Variants in UTRN observed in about 807,000 individuals in gnomAD.
UTRN encodes utrophin.
UTRN carries 283 observed loss-of-function variants against 463.9 expected under a neutral mutation model. The observed-to-expected ratio is 0.61, with a 90% confidence interval of 0.55 to 0.67. UTRN has a LOEUF of 0.67. Among genes scored for constraint, UTRN ranks in the 30% least tolerant of loss-of-function variants. The pLI, the probability that UTRN is intolerant of heterozygous loss-of-function variation, is 0.00. For synonymous variants in UTRN, 1,442 were observed against 1,431.5 expected (o/e 1.01, Z -0.17); for missense variants, 3,922 against 4,084.3 (o/e 0.96, Z 1.08).
intron 61 of UTRN, among the ~76,000 whole-genome samples, chr6:144,784,757 TC>T (rs2128740210): frequency 6.6e-6 from 1 of 152,348 alleles, no homozygotes; most frequent in South Asian, 2.1e-4. Flanking sequence ...CTTGCCTCCA[TC>T]AAATGGGAAT....
chr6:144,776,754 T>C (rs1329679904), intron 60 of UTRN, among the ~76,000 whole-genome samples: 3 of 152,218 alleles, frequency 2.0e-5, no homozygotes, highest in African/African-American at 7.2e-5. Flanking sequence ...TCTTAGCTCT[T>C]TGTATAGGTT....
intron 53 of UTRN, 116 bp downstream of exon 53, chr6:144,700,359 C>T (rs556915165): frequency 4.2e-6 from 5 of 1,187,486 alleles, no homozygotes; most frequent in Admixed American, 2.7e-5. Flanking sequence ...TTCCCCCCCC[C>T]ACCACCGTCT....
chr6:144,775,809 G>A (rs1482855611), intron 60 of UTRN, among the ~76,000 whole-genome samples: 2 of 152,092 alleles, frequency 1.3e-5, no homozygotes, highest in Non-Finnish European at 2.9e-5. Context: ...GGGTGGATAA[G>A]CATATTAACA....
chr6:144,583,386 G>T, intron 51 of UTRN: 1 of 542,042 alleles, frequency 1.8e-6, no homozygotes, highest in Non-Finnish European at 3.4e-6. Flanking sequence ...TCCTGGAAAC[G>T]AGCATGCTCA....
At chr6:144,315,195 A>T (rs1209986210) in intron 2 of UTRN, among the ~76,000 whole-genome samples, 1 of 152,196 alleles carries the variant, frequency 6.6e-6, no homozygotes, top group East Asian at 1.9e-4. Flanking sequence ...ACTGCAGTAA[A>T]AGTGCCATAG....
At chr6:144,792,088 A>G (rs2128743377) in intron 62 of UTRN, among the ~76,000 whole-genome samples, 1 of 152,350 alleles carries the variant, frequency 6.6e-6, no homozygotes, top group South Asian at 2.1e-4. Context: ...AAGTGAAAAA[A>G]TTATAATAAA....
intron 42 of UTRN, among the ~76,000 whole-genome samples, chr6:144,531,582 T>G (rs1366461046): frequency 1.3e-5 from 2 of 152,194 alleles, no homozygotes; most frequent in Non-Finnish European, 2.9e-5. Context: ...CATTTTTCTT[T>G]GTATCATTGA....
intron 51 of UTRN, among the ~76,000 whole-genome samples, chr6:144,619,238 T>C (rs1327906373): frequency 1.3e-5 from 2 of 152,236 alleles, no homozygotes; most frequent in African/African-American, 2.4e-5. Context: ...AGACTATCAT[T>C]ATTAATTTTT....
chr6:144,512,807 C>T (rs906943889), intron 35 of UTRN, among the ~76,000 whole-genome samples: 1 of 152,068 alleles, frequency 6.6e-6, no homozygotes, highest in Non-Finnish European at 1.5e-5. Context: ...TCCCAAAGTA[C>T]TGGATTACAG....
At chr6:144,317,504 C>G (rs1159888667) in intron 2 of UTRN, among the ~76,000 whole-genome samples, 1 of 152,244 alleles carries the variant, frequency 6.6e-6, no homozygotes, top group East Asian at 1.9e-4. Context: ...TCAAGCAATT[C>G]TCCTGCCTCT....
chr6:144,403,282 C>T lies in UTRN; in HGVS notation c.141+98C>T, dbSNP rs986733452. Reference sequence around the variant, plus strand: ...AGTGAATTTTCCCCAGGAAATGTCACCTAGCCGAAGTCTTCTGAGTATGCA... The same window carrying T: ...AGTGAATTTTCCCCAGGAAATGTCATCTAGCCGAAGTCTTCTGAGTATGCA... On this transcript the variant is annotated intron_variant, in intron 3 of 74. Coordinates refer to ENST00000367545, the MANE Select transcript of UTRN (RefSeq NM_007124.3). The T allele has an allele frequency of 5.6e-5, 59 of 1,048,472 alleles. No homozygotes were observed. The East Asian group carries it at 1.5e-3, about 26-fold the overall frequency. The allele number at this position is 1,048,472 out of a possible 1,614,324, so 64.9% of individuals were successfully genotyped here. A position where few individuals can be genotyped will look rare whatever the true frequency, so the allele number is the denominator to read the frequency against.
intron 69 of UTRN, among the ~76,000 whole-genome samples, chr6:144,833,129 T>C (rs1313972520): frequency 6.6e-6 from 1 of 152,154 alleles, no homozygotes; most frequent in Non-Finnish European, 1.5e-5. Context: ...CAACTAATTG[T>C]TTTTTTAACT....
chr6:144,762,099 A>G (rs118189692), intron 58 of UTRN, among the ~76,000 whole-genome samples: 471 of 152,296 alleles, frequency 3.1e-3, no homozygotes, highest in Non-Finnish European at 4.6e-3. Context: ...TATAGGTACT[A>G]TAATTACCCC....
chr6:144,295,289 C>T (rs11962764), intron 2 of UTRN, among the ~76,000 whole-genome samples: 25,295 of 152,168 alleles, frequency 0.17, 3,570 homozygotes, highest in African/African-American at 0.38. Context: ...CAATAATTAA[C>T]ATACATTAAA....
intron 65 of UTRN, among the ~76,000 whole-genome samples, chr6:144,819,848 C>G (rs1014179390): frequency 1.5e-4 from 23 of 148,910 alleles, no homozygotes; most frequent in Non-Finnish European, 7.4e-5. Flanking sequence ...GAAAGTTTCT[C>G]TCTCCTTCTC....
intron 65 of UTRN, 72 bp downstream of exon 65, chr6:144,803,219 T>G (rs965986522): frequency 3.3e-6 from 3 of 909,264 alleles, no homozygotes; most frequent in East Asian, 3.4e-5. Context: ...ATTTTATTAT[T>G]TATTTAGACT....
At chr6:144,782,254 G>T in intron 61 of UTRN, 131 bp downstream of exon 61, 1 of 774,790 alleles carries the variant, frequency 1.3e-6, no homozygotes, top group Non-Finnish European at 2.0e-6. Flanking sequence ...ATTTATGTTT[G>T]TTGTTGAAAC....
At chr6:144,403,098 T>G in intron 2 of UTRN, 25 bp from the exon 3 acceptor site, 1 of 1,607,202 alleles carries the variant, frequency 6.2e-7, no homozygotes, top group Non-Finnish European at 8.5e-7. Flanking sequence ...TACTTTTTCC[T>G]TCTCTTTCTT....
intron 51 of UTRN, among the ~76,000 whole-genome samples, chr6:144,606,793 T>G (rs1352524177): frequency 1.3e-5 from 2 of 152,226 alleles, no homozygotes; most frequent in Admixed American, 1.3e-4. Context: ...GGAATTTCTG[T>G]TTGAGGTGTA....
Sources: gnomAD v4.1 joint callset for allele counts (sites outside exome capture counted in the v4.1 genomes callset) on GRCh38, gnomAD v4.1.1 for gene constraint, MANE v1.5 for transcripts, NCBI Gene and HGNC (gene_info 2026-07-23, HGNC 2026-07-21) for gene names.